DOCK9: variants seen among roughly 807,000 people sequenced by gnomAD.
DOCK9 encodes dedicator of cytokinesis 9.
DOCK9 carries 89 observed loss-of-function variants against 263.3 expected under a neutral mutation model. The observed-to-expected ratio is 0.34, with a 90% confidence interval of 0.28 to 0.40. The LOEUF is 0.40. Ranked by LOEUF, DOCK9 falls within the 10% of genes least tolerant of loss-of-function variation. DOCK9 has a pLI of 1.00. For synonymous variants in DOCK9, 976 were observed against 973.1 expected (o/e 1.00, Z -0.06); for missense variants, 2,140 against 2,603.4 (o/e 0.82, Z 3.87).
At chr13:99,085,178 CCT>C (rs1217713585) in intron 1 of DOCK9, among the ~76,000 whole-genome samples, 3 of 152,234 alleles carry the variant, frequency 2.0e-5, no homozygotes, top group African/African-American at 7.2e-5. Context: ...TGCATCCGCC[CCT>C]GTGTTAAGGG....
At chr13:98,908,938 T>C (rs966455646) in intron 9 of DOCK9, among the ~76,000 whole-genome samples, 1 of 152,198 alleles carries the variant, frequency 6.6e-6, no homozygotes, top group African/African-American at 2.4e-5. Context: ...CTATAACAAA[T>C]ATCATCCCAA....
At chr13:98,826,955 C>T (rs1305892669) in intron 43 of DOCK9, 68 bp from the exon 44 acceptor site, 1 of 1,226,724 alleles carries the variant, frequency 8.2e-7, no homozygotes, top group Non-Finnish European at 1.2e-6. Flanking sequence ...CCCACACAGA[C>T]AGAAATCTAA....
At chr13:98,923,447 T>C (rs1369715211) in intron 4 of DOCK9, 76 bp from the exon 5 acceptor site, 30 of 1,216,750 alleles carry the variant, frequency 2.5e-5, no homozygotes, top group Middle Eastern at 1.9e-4. Flanking sequence ...TCCTCCATCA[T>C]AGGGCCCGGC....
intron 1 of DOCK9, among the ~76,000 whole-genome samples, chr13:99,048,392 T>C (rs2142184686): frequency 6.6e-6 from 1 of 152,288 alleles, no homozygotes; most frequent in East Asian, 1.9e-4. Flanking sequence ...GTCCCTACTC[T>C]AGAAAAGAAA....
At position 99,071,306 on chromosome 13, in the gene DOCK9, C is replaced by CTTTTTTTTTTTTTT. The variant is rs71114578; in HGVS notation, c.129+14903_129+14916dup. ...TACAGGTGCTTGCCACCATGCCTGG[C>CTTTTTTTTTTTTTT]TTTTTTTTTTTTTTTTTTTTTTTTT... On this transcript the variant is annotated intron_variant, in intron 1 of 32. Transcript: ENST00000427887. 5.5e-3 allele frequency among the ~76,000 whole-genome samples: 271 copies of CTTTTTTTTTTTTTT among 49,320 alleles called. 29 individuals carry two copies. Among genetic ancestry groups the CTTTTTTTTTTTTTT allele is most frequent in the African/African-American group, 8.6e-3 (79 of 9,178 alleles). 32.4% of individuals were successfully genotyped at this position (49,320 alleles called of 152,430 possible).
At chr13:99,060,469 T>C (rs900509641) in intron 1 of DOCK9, among the ~76,000 whole-genome samples, 1 of 152,188 alleles carries the variant, frequency 6.6e-6, no homozygotes, top group Non-Finnish European at 1.5e-5. Context: ...TTCTTTTGGA[T>C]ATATAACTAG....
In DOCK9 at chr13:98,829,382, G is replaced by A; in HGVS notation, c.4890C>T (p.Ala1630=). 1 of 1,613,796 alleles carries A rather than the reference G, an allele frequency of 6.2e-7. No homozygotes were observed. ...ACGTCTTCCTGAGCTCGGGCGTGCT[G>A]GCATAGGATTTGGCCAGGCTGTACT... ...DLQYSLAKSY[A]STPELRKTWL... is the part of the protein sequence containing the mutation. The change falls in exon 43 of 53, where the codon GCC becomes GCT. Residue 1630 remains alanine, a synonymous_variant. Transcript: ENST00000682017. This position sits in a 1 kb window ranked among gnomAD's most constrained non-coding sequence, Gnocchi z 4.1.
intron 29 of DOCK9, 146 bp downstream of exon 29, chr13:98,867,782 T>C: frequency 1.0e-5 from 8 of 774,694 alleles, no homozygotes; most frequent in Non-Finnish European, 1.6e-5. Context: ...ATGAAGGACT[T>C]CAGGTAGCTT....
chr13:98,997,390 T>C (rs116084947), intron 1 of DOCK9, among the ~76,000 whole-genome samples: 2,405 of 152,350 alleles, frequency 0.016, 66 homozygotes, highest in African/African-American at 0.054. Flanking sequence ...TAAAGCCTTT[T>C]ATTTGACCAG....
At chr13:99,043,827 G>A (rs1888705554) in intron 1 of DOCK9, among the ~76,000 whole-genome samples, 1 of 152,068 alleles carries the variant, frequency 6.6e-6, no homozygotes, top group Non-Finnish European at 1.5e-5. Context: ...GGGACGGCCA[G>A]CTTCAGTGTT....
chr13:98,971,552 C>CA (rs1236345293), intron 1 of DOCK9, among the ~76,000 whole-genome samples: 1 of 66,644 alleles, frequency 1.5e-5, no homozygotes, highest in Non-Finnish European at 2.8e-5. Context: ...CTAAAAAATA[C>CA]AAAAAACTAG....
chr13:98,951,903 C>T (rs1172379962), intron 2 of DOCK9, among the ~76,000 whole-genome samples: 1 of 134,894 alleles, frequency 7.4e-6, no homozygotes, highest in East Asian at 2.3e-4. Context: ...TTAATATTCC[C>T]TTTTTTTTTT....
At chr13:98,845,400 T>A in intron 38 of DOCK9, 2 of 1,343,298 alleles carry the variant, frequency 1.5e-6, no homozygotes, top group Non-Finnish European at 2.0e-6. Context: ...GTCACTTTGT[T>A]ATTGGATGCT....
chr13:99,034,138 A>G (rs1365609672), intron 1 of DOCK9, among the ~76,000 whole-genome samples: 1 of 152,248 alleles, frequency 6.6e-6, no homozygotes, highest in Non-Finnish European at 1.5e-5. Context: ...GCAACACTAG[A>G]AAAGAGATTA....
chr13:98,893,177 T>C (rs1374689682), intron 15 of DOCK9, among the ~76,000 whole-genome samples: 1 of 152,132 alleles, frequency 6.6e-6, no homozygotes, highest in Non-Finnish European at 1.5e-5. Context: ...TTGAGTGCAG[T>C]GTAACCAGAG....
At chr13:98,923,113 G>A (rs1466918813) in intron 5 of DOCK9, among the ~76,000 whole-genome samples, 189 bp downstream of exon 5, 1 of 152,208 alleles carries the variant, frequency 6.6e-6, no homozygotes, top group Non-Finnish European at 1.5e-5. Flanking sequence ...ATGCTAAGCA[G>A]TAAAGTTGAA....
In DOCK9 at chr13:98,915,650, C is replaced by CG; in HGVS notation, c.718-148_718-147insC. The CG allele has an allele frequency of 4.5e-6, 3 of 671,864 alleles. No individual in the cohort carries two copies. In the East Asian group the frequency reaches 9.2e-5, roughly 21 times the overall value. The allele number at this position is 671,864 out of a possible 1,614,324, so 41.6% of individuals were successfully genotyped here. A position where few individuals can be genotyped will look rare whatever the true frequency, so the allele number is the denominator to read the frequency against. ...GCTTGCCCCCTCCTCATGAAAGCCC[C>CG]CCCCCATGAAATCCCATTACCGTCC... On this transcript the variant is annotated intron_variant, in intron 7 of 52. Coordinates refer to ENST00000682017, the MANE Select transcript of DOCK9 (RefSeq NM_001366683.2).
intron 1 of DOCK9, among the ~76,000 whole-genome samples, chr13:99,060,704 A>C (rs1019873311): frequency 1.3e-5 from 2 of 152,096 alleles, no homozygotes; most frequent in African/African-American, 4.8e-5. Context: ...TACCTTTCTC[A>C]TATCATCACA....
intron 2 of DOCK9, among the ~76,000 whole-genome samples, chr13:98,939,771 G>A (rs753206498): frequency 6.6e-6 from 1 of 152,214 alleles, no homozygotes; most frequent in Non-Finnish European, 1.5e-5. Flanking sequence ...GCCAAATGGA[G>A]AGCATCCACG....
Sources: allele counts gnomAD v4.1 joint callset (sites outside exome capture counted in the v4.1 genomes callset), GRCh38; gene constraint gnomAD v4.1.1; non-coding constraint Gnocchi (gnomAD v3.1); transcripts MANE v1.5; gene names NCBI Gene and HGNC (gene_info 2026-07-23, HGNC 2026-07-21).